The following CCDC146 variants were observed in gnomAD, a reference collection of about 807,000 sequenced individuals.
The protein encoded by CCDC146 is coiled-coil domain containing 146.
CCDC146 carries 92 observed loss-of-function variants against 119.3 expected under a neutral mutation model. The ratio of observed to expected loss-of-function variants is 0.77; its 90% confidence interval spans 0.65 to 0.92. The LOEUF (loss-of-function observed/expected upper bound fraction) is 0.92, where lower values mean the gene tolerates loss of function less well. CCDC146 is among the 40% of genes least tolerant of loss of function. The probability of loss-of-function intolerance (pLI) is 0.00; values close to 1 mark genes in which losing one functional copy is unlikely to be tolerated. For synonymous variants in CCDC146, 372 were observed against 371.8 expected (o/e 1.00, Z -0.01); for missense variants, 1,000 against 1,103.0 (o/e 0.91, Z 1.32).
intron 2 of CCDC146, among the ~76,000 whole-genome samples, chr7:77,212,465 CA>C (rs556514385): frequency 2.0e-5 from 3 of 151,342 alleles, no homozygotes; most frequent in Admixed American, 6.6e-5. Flanking sequence ...ACTAAAAATA[CA>C]AAAAAACAGC....
intron 1 of CCDC146, among the ~76,000 whole-genome samples, chr7:77,132,746 GTAAATAAACAAATAAATAAA>G (rs954212542): frequency 6.6e-6 from 1 of 151,002 alleles, no homozygotes; most frequent in Non-Finnish European, 1.5e-5. Context: ...TAAAAAATAA[GTAAATAAACAAATAAATAAA>G]TAAATAAACA....
chr7:77,169,763 G>A (rs1304682557), intron 2 of CCDC146, among the ~76,000 whole-genome samples: 3 of 152,088 alleles, frequency 2.0e-5, no homozygotes, highest in Non-Finnish European at 4.4e-5. Flanking sequence ...ACAAGAAAGT[G>A]TTCTGGGCTC....
intron 14 of CCDC146, among the ~76,000 whole-genome samples, chr7:77,281,523 T>TTAAGCAATCTGGTATCAGATTTTTC (rs1562861377): frequency 2.6e-5 from 4 of 152,130 alleles, no homozygotes; most frequent in African/African-American, 9.7e-5. Flanking sequence ...TCAGATTTTT[T>TTAAGCAATCTGGTATCAGATTTTTC]TTAAGCAAAC....
chr7:77,268,749 A>T (rs927476694), intron 9 of CCDC146, among the ~76,000 whole-genome samples: 6 of 152,228 alleles, frequency 3.9e-5, no homozygotes, highest in Non-Finnish European at 8.8e-5. Context: ...CCATACAGAC[A>T]ATTAGTGCTT....
intron 2 of CCDC146, among the ~76,000 whole-genome samples, chr7:77,231,510 G>A (rs1792626258): frequency 1.3e-5 from 2 of 152,046 alleles, no homozygotes; most frequent in African/African-American, 4.8e-5. Context: ...CCATGAATAA[G>A]TGGGCACTAC....
intron 1 of CCDC146, among the ~76,000 whole-genome samples, chr7:77,161,627 G>A (rs889573374): frequency 1.5e-5 from 2 of 131,532 alleles, no homozygotes; most frequent in African/African-American, 5.8e-5. Flanking sequence ...TCACACTCTG[G>A]GGACTGTTGT....
Position 77,295,108 on chromosome 7 carries a change from A to G in CCDC146, c.*242A>G. On this transcript the variant is annotated 3_prime_UTR_variant, in exon 19 of 19. Coordinates refer to ENST00000285871, the MANE Select transcript of CCDC146 (RefSeq NM_020879.3). Reference sequence around the variant, plus strand: ...CAAAGTATATATTTGAATCGCTTATATTTTCTTTTTCACTCTTTATATTGA... The same window carrying G: ...CAAAGTATATATTTGAATCGCTTATGTTTTCTTTTTCACTCTTTATATTGA... 1 of 413,522 alleles carries G rather than the reference A, an allele frequency of 2.4e-6. No individual in the cohort carries two copies. The highest frequency in any genetic ancestry group is 4.3e-6 in the Non-Finnish European group (1 of 230,682). 25.6% of individuals were successfully genotyped at this position (413,522 alleles called of 1,614,324 possible).
At chr7:77,158,785 T>C (rs1187347979) in intron 1 of CCDC146, among the ~76,000 whole-genome samples, 5 of 152,312 alleles carry the variant, frequency 3.3e-5, no homozygotes, top group South Asian at 4.1e-4. Context: ...CACAAAGTAC[T>C]GGGATTACAG....
chr7:77,256,278 G>T, intron 5 of CCDC146, 55 bp from the exon 6 acceptor site: 1 of 1,303,032 alleles, frequency 7.7e-7, no homozygotes, highest in Non-Finnish European at 1.0e-6. Flanking sequence ...CAGTTTTTAG[G>T]TAGATAAATG....
intron 2 of CCDC146, among the ~76,000 whole-genome samples, chr7:77,177,267 A>G (rs899501485): frequency 3.3e-5 from 5 of 151,954 alleles, no homozygotes; most frequent in African/African-American, 1.2e-4. Flanking sequence ...TGACATTTCA[A>G]TTTTTTTCGA....
intron 2 of CCDC146, among the ~76,000 whole-genome samples, chr7:77,181,914 G>C (rs1453962875): frequency 2.0e-5 from 3 of 151,984 alleles, no homozygotes; most frequent in African/African-American, 7.3e-5. Context: ...GTACTTTGAT[G>C]GTTTGCGTAA....
chr7:77,181,783 A>C (rs1190014356), intron 2 of CCDC146, among the ~76,000 whole-genome samples: 1 of 152,156 alleles, frequency 6.6e-6, no homozygotes, highest in Non-Finnish European at 1.5e-5. Context: ...CCCATGTGGA[A>C]ATTAATTTTT....
chr7:77,143,168 A>G (rs1298124546), intron 1 of CCDC146, among the ~76,000 whole-genome samples: 1 of 151,876 alleles, frequency 6.6e-6, no homozygotes, highest in Non-Finnish European at 1.5e-5. Context: ...ATGGCCAGTG[A>G]TGAAGAGCAT....
intron 7 of CCDC146, 60 bp from the exon 8 acceptor site, chr7:77,259,937 CAAGTGTGTGTGT>C (rs1284769006): frequency 1.0e-5 from 9 of 901,470 alleles, no homozygotes; most frequent in South Asian, 8.4e-5. Context: ...CAAAATAAGG[CAAGTGTGTGTGT>C]GTGTGTGTGT....
At chr7:77,266,741 G>C (rs1793409950) in intron 9 of CCDC146, among the ~76,000 whole-genome samples, 1 of 152,104 alleles carries the variant, frequency 6.6e-6, no homozygotes, top group African/African-American at 2.4e-5. Flanking sequence ...GTTCTCCATA[G>C]GTCCAGCTCC....
At chr7:77,182,595 A>G (rs1791606333) in intron 2 of CCDC146, among the ~76,000 whole-genome samples, 1 of 151,840 alleles carries the variant, frequency 6.6e-6, no homozygotes, top group Admixed American at 6.6e-5. Flanking sequence ...GCACAGTGAG[A>G]CTCCATCTCT....
Position 77,278,846 on chromosome 7 carries a change from G to C in CCDC146, c.1529+6G>C, listed in dbSNP as rs774743102. 1 of 1,607,298 alleles carries C rather than the reference G, an allele frequency of 6.2e-7. No homozygotes were observed. The highest frequency in any genetic ancestry group is 8.5e-7 in the Non-Finnish European group (1 of 1,174,482). ...AAATGTGAAATTTATCGGAGGTAAAGTAATTATGTGGTGTTTTATCTACGT... is the reference window on the plus strand; with the variant it reads ...AAATGTGAAATTTATCGGAGGTAAACTAATTATGTGGTGTTTTATCTACGT... On this transcript the variant is annotated splice_donor_region_variant and intron_variant, in intron 12 of 18. Transcript: ENST00000285871.
intron 2 of CCDC146, among the ~76,000 whole-genome samples, chr7:77,192,846 C>G (rs762308944): frequency 2.0e-5 from 3 of 151,980 alleles, no homozygotes; most frequent in Middle Eastern, 3.2e-3. Context: ...TGGCGTGAAC[C>G]CAGGAGGCAG....
intron 2 of CCDC146, among the ~76,000 whole-genome samples, chr7:77,220,427 C>T (rs914912562): frequency 7.9e-5 from 12 of 152,266 alleles, no homozygotes; most frequent in African/African-American, 2.9e-4. Flanking sequence ...ACAGATAATG[C>T]AATCATCACA....
Sources: gnomAD v4.1 joint callset for allele counts (sites outside exome capture counted in the v4.1 genomes callset) on GRCh38, gnomAD v4.1.1 for gene constraint, MANE v1.5 for transcripts, NCBI Gene and HGNC (gene_info 2026-07-23, HGNC 2026-07-21) for gene names.